Variants in BEGAIN observed in about 807,000 individuals in gnomAD.
BEGAIN encodes the protein brain-enriched guanylate kinase-associated protein.
In BEGAIN, 19 loss-of-function variants were observed where a neutral mutation model predicts 35.8. That is an observed-to-expected ratio of 0.53 (90% CI 0.37 to 0.78). BEGAIN has a LOEUF of 0.78. Ranked by LOEUF, BEGAIN falls within the 30% of genes least tolerant of loss-of-function variation. The probability of loss-of-function intolerance (pLI) is 0.00; values close to 1 mark genes in which losing one functional copy is unlikely to be tolerated. For missense variants in BEGAIN, 795 were observed against 853.6 expected (o/e 0.93, Z 0.85); for synonymous variants, 462 against 388.6 (o/e 1.19, Z -2.22).
At chr14:100,560,050 C>T (rs1314089019) in intron 2 of BEGAIN, among the ~76,000 whole-genome samples, 1 of 152,170 alleles carries the variant, frequency 6.6e-6, no homozygotes, top group African/African-American at 2.4e-5. Flanking sequence ...CTGAGAGGGT[C>T]ATGTGGACTA....
chr14:100,570,282 T>TG (rs2035036574), intron 1 of BEGAIN, among the ~76,000 whole-genome samples: 1 of 152,178 alleles, frequency 6.6e-6, no homozygotes, highest in Non-Finnish European at 1.5e-5. Context: ...AGAAGGGAAC[T>TG]GGGGGGAAAG....
At chr14:100,557,457 C>T (rs2033856019) in intron 2 of BEGAIN, among the ~76,000 whole-genome samples, 2 of 152,192 alleles carry the variant, frequency 1.3e-5, no homozygotes, top group African/African-American at 2.4e-5. Context: ...CATGGGGACC[C>T]CGTGCGGTCC....
intron 1 of BEGAIN, among the ~76,000 whole-genome samples, chr14:100,574,427 G>A (rs1595149930): frequency 6.6e-6 from 1 of 152,094 alleles, no homozygotes; most frequent in African/African-American, 2.4e-5. Context: ...GCTGTGCCCC[G>A]GTGCCGCCAG....
chr14:100,566,328 G>A (rs953810189), intron 2 of BEGAIN, among the ~76,000 whole-genome samples: 5 of 152,238 alleles, frequency 3.3e-5, no homozygotes, highest in African/African-American at 4.8e-5. Flanking sequence ...GCACCCAGCC[G>A]GGCGGGGTCA....
intron 1 of BEGAIN, chr14:100,569,082 C>T (rs977426901): frequency 4.3e-5 from 14 of 323,672 alleles, no homozygotes; most frequent in African/African-American, 2.0e-4. Flanking sequence ...CGGCCAGGCT[C>T]GGCCACCAAC....
At chr14:100,556,426 C>T (rs966922510) in intron 2 of BEGAIN, among the ~76,000 whole-genome samples, 3 of 152,192 alleles carry the variant, frequency 2.0e-5, no homozygotes, top group Non-Finnish European at 2.9e-5. Context: ...AGACCCAGCG[C>T]GTGCCCAGGG....
chr14:100,556,837 G>A lies in BEGAIN; in HGVS notation c.72-10175C>T, dbSNP rs540612947. Among the ~76,000 whole-genome samples, 204 of 152,282 alleles carry A rather than the reference G, an allele frequency of 1.3e-3. 1 individual carries two copies. Among genetic ancestry groups the A allele is most frequent in the African/African-American group, 4.7e-3 (195 of 41,554 alleles). The stretch of plus-strand genomic sequence containing the variant: ...GTGAGGGGACAGCTGGGTTTCTGAC[G>A]AGGGTGGGTGGGGCAGAGCCGCCCG... On this transcript the variant is annotated intron_variant, in intron 2 of 6. Coordinates refer to ENST00000554140, the MANE Select transcript of BEGAIN (RefSeq NM_001385089.1).
At position 100,568,713 on chromosome 14, in the gene BEGAIN, C is replaced by A. The variant is rs1416732645; in HGVS notation, c.43-774G>T. Among the ~76,000 whole-genome samples the A allele has an allele frequency of 6.6e-6, 1 of 151,772 alleles. No homozygotes were observed. Among genetic ancestry groups the A allele is most frequent in the Admixed American group, 6.6e-5 (1 of 15,258 alleles). ...CACCCGCCGCCGTTAACCTTGTGGG[C>A]GCGGGCGAGCGACGGGGACCGCGAG... On this transcript the variant is annotated intron_variant, in intron 1 of 6. Coordinates refer to ENST00000554140, the MANE Select transcript of BEGAIN (RefSeq NM_001385089.1). This position sits in a 1 kb window ranked among gnomAD's most constrained non-coding sequence, Gnocchi z 7.5.
intron 2 of BEGAIN, among the ~76,000 whole-genome samples, chr14:100,562,717 C>T (rs1007786931): frequency 6.6e-6 from 1 of 152,196 alleles, no homozygotes; most frequent in Non-Finnish European, 1.5e-5. Context: ...GGTGCCTTGA[C>T]CCGGTGGCAC....
intron 1 of BEGAIN, among the ~76,000 whole-genome samples, chr14:100,572,455 A>T (rs1169236587): frequency 1.3e-5 from 2 of 151,426 alleles, no homozygotes; most frequent in Non-Finnish European, 2.9e-5. Flanking sequence ...GGCCAGCCCC[A>T]CCCTCCCTCA....
At chr14:100,553,479 G>A (rs1051651083) in intron 2 of BEGAIN, among the ~76,000 whole-genome samples, 1 of 152,122 alleles carries the variant, frequency 6.6e-6, no homozygotes, top group African/African-American at 2.4e-5. Flanking sequence ...AAGCCAGATA[G>A]GCCTGATGCC....
chr14:100,545,419 T>C (rs557004375), intron 3 of BEGAIN: 2 of 1,097,040 alleles, frequency 1.8e-6, no homozygotes, highest in Non-Finnish European at 2.2e-6. Flanking sequence ...AAACCTGTTA[T>C]GGGGTTGACA....
At chr14:100,542,201 C>T (rs972203371) in intron 5 of BEGAIN, among the ~76,000 whole-genome samples, 1 of 152,182 alleles carries the variant, frequency 6.6e-6, no homozygotes, top group Admixed American at 6.5e-5. Context: ...CTCCACTCCA[C>T]CACCGACCTC....
rs189674619 is a variant in BEGAIN at position 100,544,355 on chromosome 14, C to T, written c.301-390G>A. Among the ~76,000 whole-genome samples the T allele has an allele frequency of 1.2e-3, 185 of 152,302 alleles. 1 individual carries two copies. The highest frequency in any genetic ancestry group is 4.3e-3 in the African/African-American group (177 of 41,558). On this transcript the variant is annotated intron_variant, in intron 4 of 6. Transcript: ENST00000554140. Reference sequence around the variant, plus strand: ...CGGTGTCCAGGCACCCAGGCAGAGCCAGGCCCAGCCCCCAGGCCTGCCACC... The same window carrying T: ...CGGTGTCCAGGCACCCAGGCAGAGCTAGGCCCAGCCCCCAGGCCTGCCACC...
rs988785770 is a variant in BEGAIN, at chr14:100,537,625, C to G, written c.*344G>C. 1.2e-5 allele frequency: 3 copies of G among 250,926 alleles called. No individual in the cohort carries two copies. The highest frequency in any genetic ancestry group is 2.3e-5 in the Non-Finnish European group (3 of 131,708). The allele number at this position is 250,926 out of a possible 1,614,324, so 15.5% of individuals were successfully genotyped here. A position where few individuals can be genotyped will look rare whatever the true frequency, so the allele number is the denominator to read the frequency against. On this transcript the variant is annotated 3_prime_UTR_variant, in exon 7 of 7. Transcript: ENST00000554140. ...CTTTGTGTTGAAAACGCCAAGGCAGCCGTCCAGGGAGCTGGAGGCCAAGTG... is the reference window on the plus strand; with the variant it reads ...CTTTGTGTTGAAAACGCCAAGGCAGGCGTCCAGGGAGCTGGAGGCCAAGTG...
chr14:100,541,080 T>C (rs2031536652), intron 5 of BEGAIN, among the ~76,000 whole-genome samples: 1 of 152,198 alleles, frequency 6.6e-6, no homozygotes, highest in African/African-American at 2.4e-5. Flanking sequence ...AGAGTGTGGT[T>C]TGGAAACAGT....
chr14:100,572,124 C>T (rs1224464978), intron 1 of BEGAIN, among the ~76,000 whole-genome samples: 5 of 152,170 alleles, frequency 3.3e-5, no homozygotes, highest in East Asian at 1.9e-4. Flanking sequence ...ACACCATCCG[C>T]GTCCCTTCTT....
chr14:100,560,289 C>A (rs952990520), intron 2 of BEGAIN, among the ~76,000 whole-genome samples: 1 of 152,224 alleles, frequency 6.6e-6, no homozygotes, highest in Non-Finnish European at 1.5e-5. Context: ...GAGCTGACAA[C>A]CTCAGAGCTG....
chr14:100,568,191 C>G lies in BEGAIN; in HGVS notation c.43-252G>C. The G allele has an allele frequency of 1.2e-6, 1 of 809,734 alleles. No individual in the cohort carries two copies. The highest frequency in any genetic ancestry group is 1.5e-6 in the Non-Finnish European group (1 of 661,988). The allele number at this position is 809,734 out of a possible 1,614,324, so 50.2% of individuals were successfully genotyped here. On this transcript the variant is annotated intron_variant, in intron 1 of 6. Coordinates refer to ENST00000554140, the MANE Select transcript of BEGAIN (RefSeq NM_001385089.1). This position sits in a 1 kb window ranked among gnomAD's most constrained non-coding sequence, Gnocchi z 7.5. ...GCTCCCCGCACCGAGTTACGCCCCC[C>G]GGGGCGAAGAAGGGGCCGGCCCGGG...
Sources: allele counts gnomAD v4.1 joint callset (sites outside exome capture counted in the v4.1 genomes callset), GRCh38; gene constraint gnomAD v4.1.1; non-coding constraint Gnocchi (gnomAD v3.1); transcripts MANE v1.5; gene names NCBI Gene and HGNC (gene_info 2026-07-23, HGNC 2026-07-21).